Variants in ABCC8 observed in about 807,000 individuals in gnomAD.
ABCC8 encodes the protein ATP-binding cassette sub-family C member 8.
Under a neutral mutation model 188.0 loss-of-function variants are expected in ABCC8, and 137 were observed. The observed-to-expected ratio is 0.73, with a 90% confidence interval of 0.63 to 0.84. ABCC8 has a LOEUF of 0.84. Among genes scored for constraint, ABCC8 ranks in the 40% least tolerant of loss-of-function variants. The probability of loss-of-function intolerance (pLI) is 0.00; values close to 1 mark genes in which losing one functional copy is unlikely to be tolerated. For synonymous variants in ABCC8, 797 were observed against 846.5 expected (o/e 0.94, Z 1.01); for missense variants, 1,750 against 2,072.7 (o/e 0.84, Z 3.02).
intron 28 of ABCC8, among the ~76,000 whole-genome samples, chr11:17,403,441 C>T (rs4757514): frequency 0.11 from 16,533 of 152,118 alleles, 2,681 homozygotes; most frequent in African/African-American, 0.35. Flanking sequence ...TGTAGAACAG[C>T]TTGTGCAGCA....
At chr11:17,475,105 C>G in intron 1 of ABCC8, 78 bp from the exon 2 acceptor site, 1 of 1,588,606 alleles carries the variant, frequency 6.3e-7, no homozygotes, top group Non-Finnish European at 8.6e-7. Flanking sequence ...CAGAAAGGTG[C>G]TTGGGCATTG....
At chr11:17,402,603 T>A in intron 29 of ABCC8, 58 bp downstream of exon 29, 1 of 1,614,062 alleles carries the variant, frequency 6.2e-7, no homozygotes, top group Non-Finnish European at 8.5e-7. Flanking sequence ...TCTCATGGCC[T>A]GTGCCCCCTG....
intron 10 of ABCC8, among the ~76,000 whole-genome samples, chr11:17,434,930 G>A (rs1956009096): frequency 6.6e-6 from 1 of 151,580 alleles, no homozygotes; most frequent in Admixed American, 6.6e-5. Flanking sequence ...GGGAGTTCTG[G>A]GTCCCCTTCA....
intron 6 of ABCC8, among the ~76,000 whole-genome samples, chr11:17,457,443 G>C (rs904039809): frequency 5.9e-5 from 9 of 152,158 alleles, no homozygotes. Context: ...TTAGCCCTTC[G>C]ATCAAACCCA....
At chr11:17,401,504 T>C (rs907417478) in intron 29 of ABCC8, among the ~76,000 whole-genome samples, 1 of 152,190 alleles carries the variant, frequency 6.6e-6, no homozygotes, top group Non-Finnish European at 1.5e-5. Flanking sequence ...GAAGCTGGAC[T>C]TCAGGGGTTG....
intron 8 of ABCC8, among the ~76,000 whole-genome samples, chr11:17,445,436 A>G (rs1956485799): frequency 6.6e-6 from 1 of 152,234 alleles, no homozygotes; most frequent in Non-Finnish European, 1.5e-5. Context: ...ACTAAAACCC[A>G]CTGATTTGTA....
chr11:17,450,132 G>T (rs1289508176), intron 7 of ABCC8, among the ~76,000 whole-genome samples: 1 of 152,146 alleles, frequency 6.6e-6, no homozygotes, highest in East Asian at 1.9e-4. Flanking sequence ...ACAAAGCGTG[G>T]TTATTCTCTA....
At chr11:17,469,527 C>G (rs140150046) in intron 3 of ABCC8, among the ~76,000 whole-genome samples, 1 of 152,094 alleles carries the variant, frequency 6.6e-6, no homozygotes, top group African/African-American at 2.4e-5. Context: ...GATATGCCCC[C>G]AGTAGAAAAC....
Position 17,470,831 on chromosome 11 carries a change from A to G in ABCC8, c.291-609T>C, listed in dbSNP as rs79153296. 2.9e-3 allele frequency among the ~76,000 whole-genome samples: 445 copies of G among 152,270 alleles called. 1 individual carries two copies. Among genetic ancestry groups the G allele is most frequent in the African/African-American group, 0.01 (430 of 41,546 alleles). ...ATAGTCTCTCCACCTTAACTCACAG[A>G]GGCCTCTAAGTGGGTGGACTGTGGC... On this transcript the variant is annotated intron_variant, in intron 2 of 38. Transcript: ENST00000389817.
chr11:17,438,504 G>T (rs545184668), intron 10 of ABCC8, among the ~76,000 whole-genome samples: 1 of 152,168 alleles, frequency 6.6e-6, no homozygotes, highest in Non-Finnish European at 1.5e-5. Context: ...TCTGGAATGG[G>T]TATCTCACAA....
intron 10 of ABCC8, among the ~76,000 whole-genome samples, chr11:17,442,217 C>T (rs1956344286): frequency 6.6e-6 from 1 of 152,174 alleles, no homozygotes; most frequent in South Asian, 2.1e-4. Flanking sequence ...TAAATTCAGT[C>T]CCTACACCTG....
chr11:17,394,227 T>C (rs1426129057), intron 37 of ABCC8, 39 bp downstream of exon 37: 2 of 1,607,238 alleles, frequency 1.2e-6, no homozygotes, highest in East Asian at 4.5e-5. Context: ...ACTAAACCCT[T>C]TCCAAGACCA....
chr11:17,447,234 G>A (rs1321998951), intron 8 of ABCC8, among the ~76,000 whole-genome samples: 1 of 152,178 alleles, frequency 6.6e-6, no homozygotes, highest in Non-Finnish European at 1.5e-5. Flanking sequence ...CCAGGGTGAA[G>A]ATTTAGTCCC....
chr11:17,420,382 C>T (rs1193559680), intron 16 of ABCC8, among the ~76,000 whole-genome samples: 1 of 152,196 alleles, frequency 6.6e-6, no homozygotes, highest in African/African-American at 2.4e-5. Context: ...AGCATCAGGA[C>T]TACAGCCAGG....
Position 17,434,990 on chromosome 11 carries a change from T to C in ABCC8, c.1631-2746A>G, listed in dbSNP as rs1039876615. ...CATCAGCTGCGTGTGTTCGCGTGTG[T>C]GTGTGTGTGTGTGTGTGTGTGTGTG... On this transcript the variant is annotated intron_variant, in intron 10 of 38. Transcript: ENST00000389817. 7.2e-3 allele frequency among the ~76,000 whole-genome samples: 1,070 copies of C among 147,878 alleles called. 11 individuals carry two copies. The highest frequency in any genetic ancestry group is 0.026 in the African/African-American group (994 of 38,694).
Position 17,442,703 on chromosome 11 carries a change from G to A in ABCC8, c.1630+17C>T, listed in dbSNP as rs575209268. 17 of 1,612,392 alleles carry A rather than the reference G, an allele frequency of 1.1e-5. No individual in the cohort carries two copies. Among genetic ancestry groups the A allele is most frequent in the African/African-American group, 2.7e-5 (2 of 74,996 alleles). On this transcript the variant is annotated intron_variant, in intron 10 of 38. Transcript: ENST00000389817. The stretch of plus-strand genomic sequence containing the variant: ...TACGCAGCAGCACCCAGGGCTGGCT[G>A]TGTGGGGTGAACTCACTGGAGATGG...
At chr11:17,470,297 T>C in intron 2 of ABCC8, 75 bp from the exon 3 acceptor site, 1 of 1,606,334 alleles carries the variant, frequency 6.2e-7, no homozygotes, top group Non-Finnish European at 8.5e-7. Context: ...GCCTTGAATT[T>C]CAAAGGCTGA....
chr11:17,476,540 A>AG, intron 1 of ABCC8, 89 bp downstream of exon 1: 1 of 1,503,312 alleles, frequency 6.7e-7, no homozygotes, highest in Non-Finnish European at 9.0e-7. Flanking sequence ...GCGGGCCGGA[A>AG]GGGGACGCCG....
intron 19 of ABCC8, among the ~76,000 whole-genome samples, chr11:17,414,233 G>GAGCT (rs1954954548): frequency 6.6e-6 from 1 of 152,190 alleles, no homozygotes; most frequent in Non-Finnish European, 1.5e-5. Flanking sequence ...CTCACAGAGA[G>GAGCT]AGCTAGCTAG....
Sources: gnomAD v4.1 joint callset for allele counts (sites outside exome capture counted in the v4.1 genomes callset) on GRCh38, gnomAD v4.1.1 for gene constraint, MANE v1.5 for transcripts, NCBI Gene and HGNC (gene_info 2026-07-23, HGNC 2026-07-21) for gene names.